SIM1: variants seen among roughly 807,000 people sequenced by gnomAD.
SIM1 encodes SIM bHLH transcription factor 1.
In SIM1, 18 loss-of-function variants were observed where a neutral mutation model predicts 78.2. The observed-to-expected ratio is 0.23, with a 90% CI of 0.16 to 0.34. The LOEUF (loss-of-function observed/expected upper bound fraction) is 0.34, where lower values mean the gene tolerates loss of function less well. Among genes scored for constraint, SIM1 ranks in the 10% least tolerant of loss-of-function variants. The pLI is 1.00. For missense variants in SIM1, 939 were observed against 975.1 expected, an observed-to-expected ratio of 0.96 and a Z score of 0.49; for synonymous variants, 417 against 385.2, an observed-to-expected ratio of 1.08 and a Z score of -0.97.
At position 100,385,669 on chromosome 6, in the gene SIM1, ATGTGTGTGTGTGTGTGTGTGTG is replaced by A. The variant is rs57211422; in HGVS notation, c.*4670_*4691del. 9.1e-5 allele frequency: 13 copies of A among 143,322 alleles called. No individual in the cohort carries two copies. The highest frequency in any genetic ancestry group is 2.3e-4 in the South Asian group (1 of 4,418). 8.9% of individuals were successfully genotyped at this position (143,322 alleles called of 1,614,324 possible). A position where few individuals can be genotyped will look rare whatever the true frequency, so the allele number is the denominator to read the frequency against. ...TATGTGAACCATCATTTATTTATTT[ATGTGTGTGTGTGTGTGTGTGTG>A]TGTGTGTGTGTGTGTGTGTTATAAT... On this transcript the variant is annotated 3_prime_UTR_variant, in exon 12 of 12. Transcript: ENST00000369208.
At chr6:100,393,972 A>G (rs1312297420) in intron 10 of SIM1, 83 bp from the exon 11 acceptor site, 13 of 1,400,012 alleles carry the variant, frequency 9.3e-6, no homozygotes, top group Non-Finnish European at 1.2e-5. Flanking sequence ...AACAGCCTTT[A>G]TTTACTCTAC....
intron 10 of SIM1, among the ~76,000 whole-genome samples, chr6:100,401,743 ATATAG>A (rs2114475474): frequency 6.6e-6 from 1 of 152,326 alleles, no homozygotes; most frequent in South Asian, 2.1e-4. Flanking sequence ...GAAAAATCCC[ATATAG>A]TAAACTTATG....
intron 10 of SIM1, among the ~76,000 whole-genome samples, chr6:100,415,923 C>G (rs1257922564): frequency 2.0e-5 from 3 of 151,820 alleles, no homozygotes; most frequent in Admixed American, 6.6e-5. Flanking sequence ...CCCAGTAAAA[C>G]AGGGGGCCTT....
intron 2 of SIM1, among the ~76,000 whole-genome samples, chr6:100,459,301 G>A (rs193170705): frequency 6.6e-6 from 1 of 152,254 alleles, no homozygotes; most frequent in Non-Finnish European, 1.5e-5. Context: ...ACAATTTCTA[G>A]CATATAAATC....
intron 3 of SIM1, 131 bp from the exon 4 acceptor site, chr6:100,450,487 C>A: frequency 1.3e-6 from 1 of 742,362 alleles, no homozygotes. Context: ...TGGCAGGAAA[C>A]AGGGCATAGA....
chr6:100,402,019 C>A (rs1305798338), intron 10 of SIM1, among the ~76,000 whole-genome samples: 6 of 152,104 alleles, frequency 3.9e-5, no homozygotes, highest in Non-Finnish European at 8.8e-5. Context: ...TTTCTTGGGC[C>A]TTGGTTTTCC....
At chr6:100,426,516 G>A (rs1771733934) in intron 9 of SIM1, among the ~76,000 whole-genome samples, 1 of 152,038 alleles carries the variant, frequency 6.6e-6, no homozygotes, top group Admixed American at 6.6e-5. Flanking sequence ...GCCAATAGAA[G>A]GTGTCTTCAC....
At position 100,448,237 on chromosome 6, in the gene SIM1, C is replaced by T. The variant is rs748081492; in HGVS notation, c.759G>A (p.Thr253=). 2 of 1,613,010 alleles carry T rather than the reference C, an allele frequency of 1.2e-6. No homozygotes were observed. Among genetic ancestry groups the T allele is most frequent in the Non-Finnish European group, 1.7e-6 (2 of 1,179,618 alleles). Residue 253 remains threonine (T), a synonymous_variant, in exon 8 of 12, where the codon ACG becomes ACA. Transcript: ENST00000369208. ...CAATCAGGTCCTGAGGTTCGTACCC[C>T]GTCAGCTCCGCCACCCTGAGGAGAG... ...IFLDSRVAEL[T]GYEPQDLIEK... is the part of the protein sequence containing the mutation.
chr6:100,444,804 C>T (rs1183452879), intron 9 of SIM1, among the ~76,000 whole-genome samples: 2 of 152,146 alleles, frequency 1.3e-5, no homozygotes, highest in African/African-American at 2.4e-5. Context: ...AATCAACGAG[C>T]TTATGAATGT....
intron 10 of SIM1, among the ~76,000 whole-genome samples, chr6:100,417,387 T>C (rs540459797): frequency 2.8e-4 from 43 of 152,364 alleles, no homozygotes; most frequent in African/African-American, 8.9e-4. Flanking sequence ...CCTTATAGTC[T>C]AGCACTTTTT....
At chr6:100,409,428 A>ATT (rs34520683) in intron 10 of SIM1, among the ~76,000 whole-genome samples, 21 of 150,626 alleles carry the variant, frequency 1.4e-4, no homozygotes, top group Admixed American at 5.3e-4. Context: ...GTCCCCTATC[A>ATT]TTTTTTTTTG....
At position 100,448,347 on chromosome 6, in the gene SIM1, G is replaced by T. The variant is rs997223762; in HGVS notation, c.744-95C>A. ...ACAGCCGTCTGACACCTAGCTGTCCGCCCTCACTTTCCAGGGCCGATTCAG... is the reference window on the plus strand; with the variant it reads ...ACAGCCGTCTGACACCTAGCTGTCCTCCCTCACTTTCCAGGGCCGATTCAG... On this transcript the variant is annotated intron_variant, in intron 7 of 11. Coordinates refer to ENST00000369208, the MANE Select transcript of SIM1 (RefSeq NM_005068.3). 16 of 1,349,792 alleles carry T rather than the reference G, an allele frequency of 1.2e-5. No individual in the cohort carries two copies. The Admixed American group carries it at 2.2e-4, about 19-fold the overall frequency. 83.6% of individuals were successfully genotyped at this position (1,349,792 alleles called of 1,614,324 possible).
chr6:100,392,401 G>A (rs1048867253), intron 11 of SIM1, among the ~76,000 whole-genome samples: 6 of 152,136 alleles, frequency 3.9e-5, no homozygotes, highest in East Asian at 1.9e-4. Flanking sequence ...CACACTATTC[G>A]TTGCTTTCCT....
intron 10 of SIM1, among the ~76,000 whole-genome samples, chr6:100,405,991 A>G (rs564489007): frequency 2.0e-5 from 3 of 152,346 alleles, no homozygotes; most frequent in African/African-American, 7.2e-5. Context: ...GTGATGTCTT[A>G]AAGACTTGCA....
rs747656804 is a variant in SIM1, at chr6:100,390,867, C to G, written c.1795G>C (p.Gly599Arg). 6.2e-7 allele frequency: 1 copy of G among 1,614,114 alleles called. No homozygotes were observed. The highest frequency in any genetic ancestry group is 1.1e-5 in the South Asian group (1 of 91,082). ...SDQLASINGA[G>R]KKHSLCFANY... is the part of the protein sequence containing the mutation. ...GCAAAACACAGGGAGTGTTTTTTCC[C>G]AGCCCCATTAATGGAAGCCAGTTGG... Residue 599 changes from glycine to arginine, a missense_variant, in exon 12 of 12, where the codon GGG becomes CGG. Transcript: ENST00000369208.
At chr6:100,429,180 C>G (rs1001904692) in intron 9 of SIM1, among the ~76,000 whole-genome samples, 2 of 152,074 alleles carry the variant, frequency 1.3e-5, no homozygotes, top group Admixed American at 1.3e-4. Context: ...ACCAATTTGG[C>G]CAACATGGTG....
intron 9 of SIM1, among the ~76,000 whole-genome samples, chr6:100,433,740 C>CCA (rs528530747): frequency 0.039 from 4,885 of 124,202 alleles, 132 homozygotes; most frequent in East Asian, 0.16. Context: ...ACCCCCCCAC[C>CCA]CACACACACA....
At chr6:100,456,082 C>A (rs1772646511) in intron 2 of SIM1, among the ~76,000 whole-genome samples, 1 of 151,802 alleles carries the variant, frequency 6.6e-6, no homozygotes, top group Admixed American at 6.6e-5. Flanking sequence ...CTTTTGCCTT[C>A]CCGGAGGTTT....
At chr6:100,411,534 TG>T (rs1401293588) in intron 10 of SIM1, among the ~76,000 whole-genome samples, 1 of 152,262 alleles carries the variant, frequency 6.6e-6, no homozygotes, top group African/African-American at 2.4e-5. Flanking sequence ...AGCAGCAGTA[TG>T]TTCCCCTCTT....
Sources: allele counts gnomAD v4.1 joint callset (sites outside exome capture counted in the v4.1 genomes callset), GRCh38; gene constraint gnomAD v4.1.1; transcripts MANE v1.5; gene names NCBI Gene and HGNC (gene_info 2026-07-23, HGNC 2026-07-21).